Variants in RIPOR2 observed in about 807,000 individuals in gnomAD.
The protein encoded by RIPOR2 is rho family-interacting cell polarization regulator 2.
Under a neutral mutation model 114.5 loss-of-function variants are expected in RIPOR2, and 39 were observed. That is an observed-to-expected ratio of 0.34 (90% confidence interval 0.26 to 0.44). The LOEUF (loss-of-function observed/expected upper bound fraction) is 0.44. Among genes scored for constraint, RIPOR2 ranks in the 20% least tolerant of loss-of-function variants. The pLI is 1.00. For synonymous variants in RIPOR2, 445 were observed against 484.4 expected (o/e 0.92, Z 1.07); for missense variants, 1,007 against 1,255.1 (o/e 0.80, Z 2.99).
rs561510601 is a variant in RIPOR2 at position 24,951,008 on chromosome 6, G to A, written c.77-75191C>T. On this transcript the variant is annotated intron_variant, in intron 1 of 13. Coordinates refer to the RIPOR2 transcript ENST00000510784. The stretch of plus-strand genomic sequence containing the variant: ...GACAAAGGTCAGCCAAGATCTTTGC[G>A]TGAGGCCTGATAGAAATCAATGTTC... Among the ~76,000 whole-genome samples the A allele has an allele frequency of 4.6e-5, 7 of 152,344 alleles. 1 individual carries two copies. In the South Asian group the frequency reaches 8.3e-4, roughly 18 times the overall value.
intron 19 of RIPOR2, 130 bp from the exon 20 acceptor site, chr6:24,818,755 GA>G (rs796956799): frequency 1.7e-4 from 74 of 433,662 alleles, no homozygotes; most frequent in South Asian, 3.2e-4. Context: ...TTCAGAGCAA[GA>G]AAAAAAAAGC....
At chr6:24,943,985 T>C (rs1300983950) in intron 1 of RIPOR2, among the ~76,000 whole-genome samples, 2 of 152,158 alleles carry the variant, frequency 1.3e-5, no homozygotes, top group Non-Finnish European at 2.9e-5. Context: ...TGCAGCCGCC[T>C]AAGTCAGTGG....
chr6:25,024,389 G>T, intron 1 of RIPOR2: 1 of 1,250,634 alleles, frequency 8.0e-7, no homozygotes, highest in Non-Finnish European at 1.2e-6. Flanking sequence ...GGTAGGCAAT[G>T]ACATCATAGC....
intron 13 of RIPOR2, chr6:24,839,646 C>T (rs764994832): frequency 1.3e-6 from 2 of 1,538,298 alleles, no homozygotes; most frequent in African/African-American, 1.4e-5. Flanking sequence ...ACAAAAAAAA[C>T]AAAAAACAAA....
upstream of RIPOR2, among the ~76,000 whole-genome samples, chr6:24,936,333 C>T (rs1771807046): frequency 6.6e-6 from 1 of 152,158 alleles, no homozygotes; most frequent in Non-Finnish European, 1.5e-5. Flanking sequence ...GCTTCAATTA[C>T]AATTTATCTG....
At chr6:24,865,156 T>C in intron 7 of RIPOR2, 145 bp downstream of exon 7, 1 of 630,550 alleles carries the variant, frequency 1.6e-6, no homozygotes. Flanking sequence ...CTTTCTTGCA[T>C]ACTTTTTAGG....
intron 3 of RIPOR2, among the ~76,000 whole-genome samples, chr6:24,873,244 C>A (rs967487859): frequency 2.4e-4 from 36 of 152,312 alleles, no homozygotes; most frequent in African/African-American, 7.9e-4. Flanking sequence ...TCAGCCCTGG[C>A]TCTGGCCTGA....
At chr6:24,927,735 T>A (rs1054682805) in intron 1 of RIPOR2, among the ~76,000 whole-genome samples, 3 of 152,190 alleles carry the variant, frequency 2.0e-5, no homozygotes, top group Non-Finnish European at 4.4e-5. Flanking sequence ...ATCATCATTT[T>A]CACTGGAAAA....
intron 1 of RIPOR2, among the ~76,000 whole-genome samples, chr6:25,005,694 G>GATATATATATATAT (rs34057286): frequency 1.1e-4 from 5 of 45,386 alleles, no homozygotes; most frequent in Non-Finnish European, 2.3e-4. Context: ...TCCCTATGGA[G>GATATATATATATAT]ATATATATAT....
At chr6:25,029,318 C>A (rs1473011698) in intron 1 of RIPOR2, among the ~76,000 whole-genome samples, 3 of 139,982 alleles carry the variant, frequency 2.1e-5, no homozygotes, top group African/African-American at 5.3e-5. Flanking sequence ...AGGAGAATGG[C>A]GTGAACCCGG....
At chr6:24,893,698 T>C (rs1767580240) in intron 1 of RIPOR2, among the ~76,000 whole-genome samples, 1 of 152,180 alleles carries the variant, frequency 6.6e-6, no homozygotes, top group South Asian at 2.1e-4. Flanking sequence ...TCTGTGTAAA[T>C]ACAGAAGCCC....
chr6:24,822,326 G>A (rs926276066), intron 19 of RIPOR2, among the ~76,000 whole-genome samples: 4 of 152,188 alleles, frequency 2.6e-5, no homozygotes, highest in Admixed American at 2.6e-4. Context: ...TTGTAACCAT[G>A]TGTGTAAATA....
chr6:24,890,399 C>G (rs1395508787), intron 1 of RIPOR2, among the ~76,000 whole-genome samples: 2 of 152,092 alleles, frequency 1.3e-5, no homozygotes, highest in African/African-American at 2.4e-5. Context: ...AACTCAGACA[C>G]AGAAAGACAA....
intron 3 of RIPOR2, among the ~76,000 whole-genome samples, chr6:24,873,169 GA>G (rs1765384217): frequency 6.6e-6 from 1 of 152,194 alleles, no homozygotes; most frequent in African/African-American, 2.4e-5. Context: ...TAGAAAAGGA[GA>G]AAAAAGCTGA....
rs1291672567 is a variant in RIPOR2, at chr6:25,006,124, T to A, written c.76+35727A>T. 7.9e-5 allele frequency among the ~76,000 whole-genome samples: 12 copies of A among 152,264 alleles called. No individual in the cohort carries two copies. The South Asian group carries it at 1.7e-3, about 21-fold the overall frequency. On this transcript the variant is annotated intron_variant, in intron 1 of 13. Coordinates refer to the RIPOR2 transcript ENST00000510784. Reference sequence around the variant, plus strand: ...GGAAAACAATTAGAATACTCTCTAATCCCTCCACTCAGAAATAAATACTGT... The same window carrying A: ...GGAAAACAATTAGAATACTCTCTAAACCCTCCACTCAGAAATAAATACTGT...
chr6:24,943,920 C>T (rs948108089), intron 1 of RIPOR2, among the ~76,000 whole-genome samples: 6 of 152,138 alleles, frequency 3.9e-5, no homozygotes, highest in Non-Finnish European at 2.9e-5. Flanking sequence ...CAAGTGTGAA[C>T]AGTCTTTTCC....
At chr6:24,938,621 T>C (rs920001201), upstream of RIPOR2, among the ~76,000 whole-genome samples, 11 of 152,188 alleles carry the variant, frequency 7.2e-5, no homozygotes, top group African/African-American at 2.7e-4. Context: ...ATTTCCCAAA[T>C]TGAAGGCTCA....
chr6:25,025,418 G>T (rs1285414375), intron 1 of RIPOR2, among the ~76,000 whole-genome samples: 2 of 152,080 alleles, frequency 1.3e-5, no homozygotes, highest in East Asian at 3.8e-4. Context: ...AGAGCTAGGG[G>T]AATGCTGGGT....
In RIPOR2 at chr6:24,808,609, G is replaced by A. The variant is rs560735179; in HGVS notation, c.3043+1108C>T. Among the ~76,000 whole-genome samples the A allele has an allele frequency of 2.0e-5, 3 of 152,166 alleles. No homozygotes were observed. In the South Asian group the frequency reaches 6.2e-4, roughly 32 times the overall value. ...TAAATGCCATGAGATTCTTCTTCATGTTGTTAAGTTAGTATCACTAAACAA... is the reference window on the plus strand; with the variant it reads ...TAAATGCCATGAGATTCTTCTTCATATTGTTAAGTTAGTATCACTAAACAA... On this transcript the variant is annotated intron_variant, in intron 21 of 21. Coordinates refer to ENST00000643898, the MANE Select transcript of RIPOR2 (RefSeq NM_001286445.3).
Sources: allele counts gnomAD v4.1 joint callset (sites outside exome capture counted in the v4.1 genomes callset), GRCh38; gene constraint gnomAD v4.1.1; transcripts MANE v1.5; gene names NCBI Gene and HGNC (gene_info 2026-07-23, HGNC 2026-07-21).